Variants in ASAP2 observed in about 807,000 individuals in gnomAD.
ASAP2 encodes arf-GAP with SH3 domain, ANK repeat and PH domain-containing protein 2.
A neutral mutation model predicts 131.4 loss-of-function variants in ASAP2; 45 were observed. The observed-to-expected ratio is 0.34, with a 90% CI of 0.27 to 0.44. ASAP2 has a LOEUF of 0.44. Among genes scored for constraint, ASAP2 ranks in the 20% least tolerant of loss-of-function variants. The pLI is 1.00. For missense variants in ASAP2, 1,011 were observed against 1,297.0 expected (o/e 0.78, Z 3.39); for synonymous variants, 510 against 503.0 (o/e 1.01, Z -0.19).
At chr2:9,241,395 G>A (rs920234140) in intron 1 of ASAP2, among the ~76,000 whole-genome samples, 2 of 152,088 alleles carry the variant, frequency 1.3e-5, no homozygotes, top group Admixed American at 6.5e-5. Context: ...AAACTGGTGC[G>A]ATTATGAGTT....
At position 9,372,683 on chromosome 2, in the gene ASAP2, A is replaced by C. The variant is rs76439878; in HGVS notation, c.1557-2072A>C. Among the ~76,000 whole-genome samples, 112 of 152,260 alleles carry C rather than the reference A, an allele frequency of 7.4e-4. 2 individuals are homozygous for C. In the East Asian group the frequency reaches 0.02, roughly 28 times the overall value. On this transcript the variant is annotated intron_variant, in intron 16 of 27. Transcript: ENST00000281419. Reference sequence around the variant, plus strand: ...GAAAGATCATAAAAACCAGTAAGATAATGATTCACCCACTTATTCCAGTTC... The same window carrying C: ...GAAAGATCATAAAAACCAGTAAGATCATGATTCACCCACTTATTCCAGTTC...
intron 3 of ASAP2, among the ~76,000 whole-genome samples, chr2:9,302,196 G>A (rs1327214601): frequency 4.9e-5 from 6 of 121,928 alleles, no homozygotes; most frequent in Admixed American, 1.9e-4. Context: ...TTTTTGAGAC[G>A]GAGTCTCGCT....
intron 1 of ASAP2, among the ~76,000 whole-genome samples, chr2:9,242,516 G>A (rs1265266897): frequency 2.0e-5 from 3 of 152,206 alleles, no homozygotes; most frequent in Admixed American, 6.5e-5. Context: ...GGGCACTTGC[G>A]GTGCCCTCAG....
chr2:9,255,319 A>G (rs190706018), intron 1 of ASAP2, among the ~76,000 whole-genome samples: 113 of 152,354 alleles, frequency 7.4e-4, no homozygotes, highest in Middle Eastern at 3.4e-3. Context: ...TTCAGGAGAA[A>G]TGGACTATTT....
chr2:9,344,567 A>T lies in ASAP2; in HGVS notation c.885A>T (p.Leu295Phe). Residue 295 changes from leucine (L) to phenylalanine (F), a missense_variant, in exon 10 of 28, where the codon TTA becomes TTT. Around this residue, in one of 2 missense-constraint regions of ASAP2, gnomAD observed 359 missense variants for 598.1 expected, o/e 0.60. Transcript: ENST00000281419. ...SQIRQSTAYSLHQPQGNKEHG... is the reference protein window; with the variant it reads ...SQIRQSTAYSFHQPQGNKEHG... ...TTCGTCAGAGCACAGCTTATAGCTT[A>T]CATCAGCCTCAGGGAAACAAGGAAC... The T allele has an allele frequency of 6.2e-7, 1 of 1,614,170 alleles. No individual in the cohort carries two copies. Among genetic ancestry groups the T allele is most frequent in the Non-Finnish European group, 8.5e-7 (1 of 1,180,012 alleles).
chr2:9,283,067 A>G (rs1667238002), intron 2 of ASAP2, among the ~76,000 whole-genome samples: 1 of 148,076 alleles, frequency 6.8e-6, no homozygotes. Flanking sequence ...CTCTTGTAAT[A>G]GATTCTTTTT....
chr2:9,273,382 A>G (rs1666541257), intron 1 of ASAP2, among the ~76,000 whole-genome samples: 2 of 152,138 alleles, frequency 1.3e-5, no homozygotes, highest in South Asian at 2.1e-4. Flanking sequence ...TAATTTTTGT[A>G]TGTTGATTTT....
At chr2:9,343,483 G>C (rs1671736850) in intron 9 of ASAP2, among the ~76,000 whole-genome samples, 1 of 152,148 alleles carries the variant, frequency 6.6e-6, no homozygotes, top group Non-Finnish European at 1.5e-5. Context: ...GTCTCGCTCT[G>C]TCACTGAGGT....
intron 1 of ASAP2, among the ~76,000 whole-genome samples, chr2:9,276,304 C>T (rs902338202): frequency 9.2e-5 from 14 of 152,026 alleles, no homozygotes; most frequent in Admixed American, 2.6e-4. Context: ...AGTGTGTGCA[C>T]GGGCTGGGAA....
intron 24 of ASAP2, 51 bp from the exon 25 acceptor site, chr2:9,399,972 G>GGGCA (rs1351397806): frequency 6.3e-7 from 1 of 1,575,084 alleles, no homozygotes; most frequent in Non-Finnish European, 8.7e-7. Flanking sequence ...GATGAGAAAG[G>GGGCA]GGCAGGTGCC....
chr2:9,245,655 G>A (rs1273137685), intron 1 of ASAP2, among the ~76,000 whole-genome samples: 1 of 152,140 alleles, frequency 6.6e-6, no homozygotes, highest in Non-Finnish European at 1.5e-5. Flanking sequence ...CTGGTGCTGC[G>A]TTTGTGAACA....
intron 1 of ASAP2, among the ~76,000 whole-genome samples, chr2:9,211,279 C>G (rs1253109605): frequency 6.6e-6 from 1 of 152,144 alleles, no homozygotes; most frequent in Non-Finnish European, 1.5e-5. Context: ...GCAAACTTAG[C>G]AAAGTCTGGT....
Position 9,320,274 on chromosome 2 carries a change from T to C in ASAP2, c.421-14T>C, listed in dbSNP as rs1446623243. On this transcript the variant is annotated splice_polypyrimidine_tract_variant and intron_variant, in intron 4 of 27. Transcript: ENST00000281419. ...ATGATTAGTCTTGCCTAATTTATTA[T>C]TCTTTGTTTACAGGATCTGAAAAAG... is the stretch of plus-strand genomic sequence containing the variant. 6.2e-7 allele frequency: 1 copy of C among 1,605,110 alleles called. No individual in the cohort carries two copies. The highest frequency in any genetic ancestry group is 2.2e-5 in the East Asian group (1 of 44,744).
chr2:9,266,788 G>A (rs888057524), intron 1 of ASAP2, among the ~76,000 whole-genome samples: 1 of 152,218 alleles, frequency 6.6e-6, no homozygotes, highest in African/African-American at 2.4e-5. Context: ...AGTTTAGTAA[G>A]ATTGCCCAAA....
chr2:9,274,428 T>A (rs1666617823), intron 1 of ASAP2, among the ~76,000 whole-genome samples: 1 of 150,244 alleles, frequency 6.7e-6, no homozygotes, highest in Non-Finnish European at 1.5e-5. Flanking sequence ...GTTCAAGCGA[T>A]TCTCCTGCCT....
intron 12 of ASAP2, among the ~76,000 whole-genome samples, chr2:9,352,295 G>T (rs990421406): frequency 2.6e-5 from 4 of 152,064 alleles, no homozygotes; most frequent in African/African-American, 9.7e-5. Flanking sequence ...AGCAAAAAAG[G>T]CTTGAATTGA....
At chr2:9,220,794 C>A (rs1662361523) in intron 1 of ASAP2, among the ~76,000 whole-genome samples, 1 of 152,128 alleles carries the variant, frequency 6.6e-6, no homozygotes, top group African/African-American at 2.4e-5. Flanking sequence ...TCAGTTCTTA[C>A]ATTTAGGTCT....
chr2:9,360,384 A>G (rs957589556), intron 15 of ASAP2, among the ~76,000 whole-genome samples: 1 of 152,138 alleles, frequency 6.6e-6, no homozygotes, highest in African/African-American at 2.4e-5. Context: ...AAGGTGACAG[A>G]TCTGGGGTGT....
chr2:9,261,721 C>T (rs995862825), intron 1 of ASAP2, among the ~76,000 whole-genome samples: 4 of 152,194 alleles, frequency 2.6e-5, no homozygotes, highest in Non-Finnish European at 5.9e-5. Context: ...GGGCAGAGTT[C>T]CTTCTGGCTG....
Sources: allele counts gnomAD v4.1 joint callset (sites outside exome capture counted in the v4.1 genomes callset), GRCh38; gene constraint gnomAD v4.1.1; regional missense constraint gnomAD v4.1.1; transcripts MANE v1.5; gene names NCBI Gene and HGNC (gene_info 2026-07-23, HGNC 2026-07-21).